TSC22D2: variants seen among roughly 807,000 people sequenced by gnomAD.
The protein encoded by TSC22D2 is TSC22 domain family member 2.
In TSC22D2, 5 loss-of-function variants were observed where a neutral mutation model predicts 50.1. The ratio of observed to expected loss-of-function variants is 0.10; its 90% CI spans 0.05 to 0.21. The LOEUF is 0.21. Among genes scored for constraint, TSC22D2 ranks in the 10% least tolerant of loss-of-function variants. The pLI, the probability that TSC22D2 is intolerant of heterozygous loss-of-function variation, is 1.00. For missense variants in TSC22D2, 1,003 were observed against 1,015.5 expected, an observed-to-expected ratio of 0.99 and a Z score of 0.17; for synonymous variants, 501 against 450.1, an observed-to-expected ratio of 1.11 and a Z score of -1.43.
Position 150,463,117 on chromosome 3 carries a change from C to A in TSC22D2, c.*4481C>A, listed in dbSNP as rs887406951. ...GAATGGAACCTTTGCTGTCACTATGCCTGTCTCTCAATTCTACCCTAAAGG... is the reference window on the plus strand; with the variant it reads ...GAATGGAACCTTTGCTGTCACTATGACTGTCTCTCAATTCTACCCTAAAGG... On this transcript the variant is annotated 3_prime_UTR_variant, in exon 3 of 3. Coordinates refer to ENST00000688009, the MANE Select transcript of TSC22D2 (RefSeq NM_001303264.2). 1 of 152,180 alleles carries A rather than the reference C, an allele frequency of 6.6e-6. No homozygotes were observed. The highest frequency in any genetic ancestry group is 2.4e-5 in the African/African-American group (1 of 41,438). The allele number at this position is 152,180 out of a possible 1,614,324, so 9.4% of individuals were successfully genotyped here.
chr3:150,434,453 GCTTT>G (rs1300041904), intron 1 of TSC22D2, among the ~76,000 whole-genome samples: 9 of 152,088 alleles, frequency 5.9e-5, no homozygotes, highest in Non-Finnish European at 1.3e-4. Flanking sequence ...CAAATATTCA[GCTTT>G]CTGTTAACAA....
intron 1 of TSC22D2, among the ~76,000 whole-genome samples, chr3:150,413,558 T>C (rs1174853023): frequency 7.5e-5 from 11 of 145,780 alleles, no homozygotes; most frequent in South Asian, 4.3e-4. Flanking sequence ...TTTTTTGTTT[T>C]GTGTTTTTTT....
intron 1 of TSC22D2, among the ~76,000 whole-genome samples, chr3:150,452,444 T>G (rs1308929895): frequency 6.8e-6 from 1 of 148,130 alleles, no homozygotes; most frequent in Non-Finnish European, 1.5e-5. Context: ...AAACTCTGTC[T>G]CAAAAAAAAA....
In TSC22D2 at chr3:150,409,203, G is replaced by C; in HGVS notation, c.-148G>C. 2.3e-6 allele frequency: 2 copies of C among 872,106 alleles called. No individual in the cohort carries two copies. Among genetic ancestry groups the C allele is most frequent in the Non-Finnish European group, 3.3e-6 (2 of 599,068 alleles). The allele number at this position is 872,106 out of a possible 1,614,324, so 54.0% of individuals were successfully genotyped here. A position where few individuals can be genotyped will look rare whatever the true frequency, so the allele number is the denominator to read the frequency against. ...TGTCTCACCGGGCGGCCAGCGCCTG[G>C]ATCAGCCCGTGACTCTTAACAGCGG... On this transcript the variant is annotated 5_prime_UTR_variant, in exon 1 of 3. Coordinates refer to ENST00000688009, the MANE Select transcript of TSC22D2 (RefSeq NM_001303264.2). The surrounding 1 kb of genome is among the most constrained non-coding windows in gnomAD (Gnocchi z 7.4).
intron 1 of TSC22D2, among the ~76,000 whole-genome samples, chr3:150,427,812 C>G (rs1720241806): frequency 6.6e-6 from 1 of 151,750 alleles, no homozygotes; most frequent in Admixed American, 6.6e-5. Context: ...CTTTCTTCTT[C>G]TCTTCCTCTC....
At position 150,417,651 on chromosome 3, in the gene TSC22D2, T is replaced by C. The variant is rs1017335916; in HGVS notation, c.1958+6343T>C. 1.4e-4 allele frequency among the ~76,000 whole-genome samples: 21 copies of C among 152,220 alleles called. No homozygotes were observed. In the East Asian group the frequency reaches 2.1e-3, roughly 15 times the overall value. On this transcript the variant is annotated intron_variant, in intron 1 of 2. Transcript: ENST00000688009. Reference sequence around the variant, plus strand: ...GGGAGAGTTTTAAGGAATTAAATGATGTGTGCAAGTAATTTGAACAGTCTG... The same window carrying C: ...GGGAGAGTTTTAAGGAATTAAATGACGTGTGCAAGTAATTTGAACAGTCTG...
rs1475730288 is a variant in TSC22D2 at position 150,462,726 on chromosome 3, C to G, written c.*4090C>G. The G allele has an allele frequency of 6.6e-6, 1 of 151,568 alleles. No individual in the cohort carries two copies. The highest frequency in any genetic ancestry group is 1.5e-5 in the Non-Finnish European group (1 of 68,286). The allele number at this position is 151,568 out of a possible 1,614,324, so 9.4% of individuals were successfully genotyped here. A position where few individuals can be genotyped will look rare whatever the true frequency, so the allele number is the denominator to read the frequency against. On this transcript the variant is annotated 3_prime_UTR_variant, in exon 3 of 3. Coordinates refer to ENST00000688009, the MANE Select transcript of TSC22D2 (RefSeq NM_001303264.2). ...TCGGCTCACTGCAACCTCCGCCTCC[C>G]AGGTTCAAGCGATTCTCCTGCCTCA...
At chr3:150,415,959 TAGC>T (rs1719780682) in intron 1 of TSC22D2, among the ~76,000 whole-genome samples, 1 of 152,180 alleles carries the variant, frequency 6.6e-6, no homozygotes, top group Non-Finnish European at 1.5e-5. Context: ...TATGAACAAA[TAGC>T]AGCCCCACCA....
chr3:150,410,061 G>A lies in TSC22D2; in HGVS notation c.711G>A (p.Gly237=). 6.2e-7 allele frequency: 1 copy of A among 1,613,108 alleles called. No individual in the cohort carries two copies. The highest frequency in any genetic ancestry group is 8.5e-7 in the Non-Finnish European group (1 of 1,180,026). The change falls in exon 1 of 3, where the codon GGG becomes GGA. Residue 237 remains glycine, a synonymous_variant. Coordinates refer to ENST00000688009, the MANE Select transcript of TSC22D2 (RefSeq NM_001303264.2). The part of the protein sequence containing the change: ...VVVASMQGAH[G]PESGTDSSLT... ...TGGCCTCCATGCAGGGGGCGCACGGGCCCGAGTCGGGAACTGACAGCTCCT... is the reference window on the plus strand; with the variant it reads ...TGGCCTCCATGCAGGGGGCGCACGGACCCGAGTCGGGAACTGACAGCTCCT...
At position 150,448,758 on chromosome 3, in the gene TSC22D2, GAAA is replaced by G. The variant is rs574317322; in HGVS notation, c.1959-8314_1959-8312del. On this transcript the variant is annotated intron_variant, in intron 1 of 2. Coordinates refer to ENST00000688009, the MANE Select transcript of TSC22D2 (RefSeq NM_001303264.2). ...AAGTTTCTTTAAAATGGCTCTACAAGAAAAAAGTAATTTTATCAGAATTTTACT... is the reference window on the plus strand; with the variant it reads ...AAGTTTCTTTAAAATGGCTCTACAAGAAAGTAATTTTATCAGAATTTTACT... Among the ~76,000 whole-genome samples, 20 of 151,374 alleles carry G rather than the reference GAAA, an allele frequency of 1.3e-4. No homozygotes were observed. In the South Asian group the frequency reaches 4.0e-3, roughly 30 times the overall value.
intron 1 of TSC22D2, among the ~76,000 whole-genome samples, chr3:150,441,812 T>C (rs1293636602): frequency 6.6e-6 from 1 of 152,130 alleles, no homozygotes; most frequent in Non-Finnish European, 1.5e-5. Flanking sequence ...ACATTCTTCA[T>C]CGTGGTAAGA....
intron 1 of TSC22D2, among the ~76,000 whole-genome samples, chr3:150,415,267 AAAATTTTATGTGCACT>A (rs1297192175): frequency 2.0e-5 from 3 of 152,162 alleles, no homozygotes; most frequent in African/African-American, 4.8e-5. Context: ...CATACTGTAT[AAAATTTTATGTGCACT>A]AAATCATATA....
At chr3:150,439,035 G>A (rs1720635143) in intron 1 of TSC22D2, among the ~76,000 whole-genome samples, 1 of 152,064 alleles carries the variant, frequency 6.6e-6, no homozygotes, top group Admixed American at 6.6e-5. Flanking sequence ...ACCATTGGAA[G>A]GATAGAGTTT....
intron 1 of TSC22D2, among the ~76,000 whole-genome samples, chr3:150,454,977 C>T (rs1040658423): frequency 6.7e-6 from 1 of 149,986 alleles, no homozygotes; most frequent in Non-Finnish European, 1.5e-5. Context: ...CAAAAAAAAA[C>T]CCCAGTAATT....
Position 150,410,111 on chromosome 3 carries a change from C to G in TSC22D2, c.761C>G (p.Pro254Arg), listed in dbSNP as rs747985566. 2 of 1,612,532 alleles carry G rather than the reference C, an allele frequency of 1.2e-6. No homozygotes were observed. Among genetic ancestry groups the G allele is most frequent in the Non-Finnish European group, 1.7e-6 (2 of 1,179,906 alleles). ...TTGACTGCTGTGTCACAGCTACCCC[C>G]GTCGGAGAAAATGAGCCAGCCCACT... ...SSLTAVSQLP[P>R]SEKMSQPTPA... The change falls in exon 1 of 3, where the codon CCG (proline) becomes CGG (arginine). Residue 254 changes from proline to arginine, a missense_variant. This residue lies in a region of TSC22D2 where 696 missense variants were observed against 647.8 expected (regional missense o/e 1.07). Transcript: ENST00000688009.
chr3:150,432,869 A>C (rs530950889), intron 1 of TSC22D2, among the ~76,000 whole-genome samples: 6 of 152,324 alleles, frequency 3.9e-5, no homozygotes, highest in African/African-American at 1.4e-4. Context: ...GGTAGAAGAA[A>C]GAGATGACTG....
intron 1 of TSC22D2, among the ~76,000 whole-genome samples, chr3:150,434,213 A>G (rs541881467): frequency 2.2e-4 from 33 of 150,440 alleles, no homozygotes; most frequent in Middle Eastern, 3.2e-3. Flanking sequence ...CAGTGGCACA[A>G]TGTTGGCTCA....
intron 1 of TSC22D2, among the ~76,000 whole-genome samples, chr3:150,434,536 C>T (rs181648061): frequency 6.6e-5 from 10 of 152,216 alleles, no homozygotes; most frequent in African/African-American, 1.7e-4. Context: ...TTTGATTTTC[C>T]GTTTTTAGAG....
At chr3:150,433,165 C>T (rs1282210745) in intron 1 of TSC22D2, among the ~76,000 whole-genome samples, 1 of 152,148 alleles carries the variant, frequency 6.6e-6, no homozygotes, top group African/African-American at 2.4e-5. Flanking sequence ...CAGTTTATCT[C>T]CCAGTTGTTT....
Sources: allele counts gnomAD v4.1 joint callset (sites outside exome capture counted in the v4.1 genomes callset), GRCh38; gene constraint gnomAD v4.1.1; regional missense constraint gnomAD v4.1.1; non-coding constraint Gnocchi (gnomAD v3.1); transcripts MANE v1.5; gene names NCBI Gene and HGNC (gene_info 2026-07-23, HGNC 2026-07-21).